Variants in DNM2 observed in about 807,000 individuals in gnomAD.
The protein encoded by DNM2 is dynamin-2.
In DNM2, 15 loss-of-function variants were observed where a neutral mutation model predicts 99.0. The observed-to-expected ratio is 0.15, with a 90% CI of 0.10 to 0.23. DNM2 has a LOEUF of 0.23. Ranked by LOEUF, DNM2 falls within the 10% of genes least tolerant of loss-of-function variation. DNM2 has a pLI of 1.00. For synonymous variants in DNM2, 525 were observed against 481.2 expected (o/e 1.09, Z -1.19); for missense variants, 742 against 1,189.4 (o/e 0.62, Z 5.53).
At chr19:10,782,518 A>C (rs2145958017) in intron 5 of DNM2, among the ~76,000 whole-genome samples, 1 of 151,866 alleles carries the variant, frequency 6.6e-6, no homozygotes, top group South Asian at 2.1e-4. Flanking sequence ...GCCACCATGC[A>C]CGGCTAATTT....
chr19:10,829,510 G>A (rs1215819840), intron 19 of DNM2, among the ~76,000 whole-genome samples: 1 of 152,172 alleles, frequency 6.6e-6, no homozygotes, highest in African/African-American at 2.4e-5. Context: ...GCCCTCTGCT[G>A]GTGCCTTCCA....
chr19:10,756,866 C>G (rs2070405323), intron 1 of DNM2, among the ~76,000 whole-genome samples: 1 of 152,134 alleles, frequency 6.6e-6, no homozygotes, highest in Non-Finnish European at 1.5e-5. Flanking sequence ...CCTGCCATCT[C>G]TCTGGTTTCG....
At chr19:10,825,337 C>T (rs2073107399) in intron 18 of DNM2, 116 bp downstream of exon 18, 2 of 1,412,920 alleles carry the variant, frequency 1.4e-6, no homozygotes, top group Non-Finnish European at 2.0e-6. Flanking sequence ...GAGTTCAAGA[C>T]CAGCCTGGCC....
At chr19:10,731,822 G>A (rs1159710117) in intron 1 of DNM2, among the ~76,000 whole-genome samples, 7 of 152,256 alleles carry the variant, frequency 4.6e-5, no homozygotes, top group East Asian at 1.9e-4. Flanking sequence ...ACGGAAGCCC[G>A]GCTTCTGTGG....
intron 18 of DNM2, among the ~76,000 whole-genome samples, chr19:10,825,631 T>C (rs889776180): frequency 9.2e-5 from 14 of 151,816 alleles, no homozygotes; most frequent in Non-Finnish European, 1.8e-4. Context: ...AGTGCACCAC[T>C]GCACTCCAGC....
intron 1 of DNM2, among the ~76,000 whole-genome samples, chr19:10,730,943 A>G (rs990654734): frequency 5.3e-5 from 8 of 152,194 alleles, no homozygotes; most frequent in African/African-American, 1.9e-4. Flanking sequence ...GCGGTAGACA[A>G]GAGGCCAGCA....
Position 10,812,566 on chromosome 19 carries a change from A to T in DNM2, c.1671+189A>T, listed in dbSNP as rs1238884862. On this transcript the variant is annotated intron_variant, in intron 15 of 20. Coordinates refer to ENST00000389253, the MANE Select transcript of DNM2 (RefSeq NM_001005361.3). This position sits in a 1 kb window ranked among gnomAD's most constrained non-coding sequence, Gnocchi z 4.0. ...CACTTTGGGAGGGCGAGGCAGGTAG[A>T]TCACGAGGTCGGGAGTTTGAGACCA... 6.6e-6 allele frequency among the ~76,000 whole-genome samples: 1 copy of T among 152,136 alleles called. No individual in the cohort carries two copies. The highest frequency in any genetic ancestry group is 2.4e-5 in the African/African-American group (1 of 41,424).
At chr19:10,724,396 C>T (rs1437530268) in intron 1 of DNM2, among the ~76,000 whole-genome samples, 1 of 152,174 alleles carries the variant, frequency 6.6e-6, no homozygotes, top group African/African-American at 2.4e-5. Flanking sequence ...CCAGGATGGT[C>T]TCGATCTCCT....
chr19:10,792,118 C>A (rs17616023), intron 7 of DNM2, among the ~76,000 whole-genome samples: 9,533 of 152,192 alleles, frequency 0.063, 306 homozygotes, highest in South Asian at 0.097. Flanking sequence ...AACAAATTCC[C>A]CATTCCAGGT....
rs77935048 is a variant in DNM2 at position 10,745,556 on chromosome 19, G to A, written c.162-14182G>A. 7.4e-3 allele frequency among the ~76,000 whole-genome samples: 1,129 copies of A among 152,248 alleles called. 10 individuals are homozygous for A. Among genetic ancestry groups the A allele is most frequent in the Middle Eastern group, 0.01 (3 of 294 alleles). On this transcript the variant is annotated intron_variant, in intron 1 of 20. Transcript: ENST00000389253. ...AACACAAATAAAAAAAGTTAGCTGG[G>A]CGTGGTGGCAAGTGCCTGTAGTCCG...
intron 1 of DNM2, chr19:10,718,772 G>A (rs930162905): frequency 1.8e-5 from 3 of 170,552 alleles, no homozygotes; most frequent in Non-Finnish European, 3.7e-5. Context: ...AGGTGAAACC[G>A]GCCATCTAGA....
chr19:10,798,302 G>C, intron 10 of DNM2, 184 bp from the exon 11 acceptor site: 1 of 625,472 alleles, frequency 1.6e-6, no homozygotes, highest in Non-Finnish European at 2.9e-6. Flanking sequence ...GGTCCACGGT[G>C]CCCCCACTCT....
chr19:10,735,437 T>C (rs895308965), intron 1 of DNM2, among the ~76,000 whole-genome samples: 21 of 152,186 alleles, frequency 1.4e-4, no homozygotes, highest in Admixed American at 1.4e-3. Context: ...TTGGCTGAGG[T>C]AGGCTTGCTA....
At chr19:10,733,304 A>G (rs953727532) in intron 1 of DNM2, among the ~76,000 whole-genome samples, 6 of 145,110 alleles carry the variant, frequency 4.1e-5, no homozygotes, top group African/African-American at 1.5e-4. Context: ...CCATTCTCCC[A>G]CCACAGCCTC....
rs533310448 is a variant in DNM2, at chr19:10,790,751, A to G, written c.993-2969A>G. ...CCAAAGTGCTGGGATTACAGGCATGAGCCACCATGCCCGGACCTCATGTAT... is the reference window on the plus strand; with the variant it reads ...CCAAAGTGCTGGGATTACAGGCATGGGCCACCATGCCCGGACCTCATGTAT... On this transcript the variant is annotated intron_variant, in intron 7 of 20. Coordinates refer to ENST00000389253, the MANE Select transcript of DNM2 (RefSeq NM_001005361.3). Among the ~76,000 whole-genome samples, 3 of 152,292 alleles carry G rather than the reference A, an allele frequency of 2.0e-5. No individual in the cohort carries two copies. In the East Asian group the frequency reaches 5.8e-4, roughly 29 times the overall value.
intron 1 of DNM2, among the ~76,000 whole-genome samples, chr19:10,738,995 C>T (rs967444286): frequency 6.6e-6 from 1 of 151,976 alleles, no homozygotes; most frequent in Non-Finnish European, 1.5e-5. Flanking sequence ...GGTGAAACCC[C>T]GTCTCTACTA....
chr19:10,799,648 C>T (rs1237769323), intron 11 of DNM2, among the ~76,000 whole-genome samples: 1 of 151,664 alleles, frequency 6.6e-6, no homozygotes, highest in African/African-American at 2.4e-5. Flanking sequence ...ATTCTCATGC[C>T]TCAGCCTCCG....
chr19:10,814,213 C>T (rs965132391), intron 15 of DNM2, among the ~76,000 whole-genome samples: 1 of 151,696 alleles, frequency 6.6e-6, no homozygotes, highest in African/African-American at 2.4e-5. Flanking sequence ...GCCATTAATC[C>T]CAGCACTTTG....
chr19:10,745,584 C>G (rs143564904), intron 1 of DNM2, among the ~76,000 whole-genome samples: 131 of 152,282 alleles, frequency 8.6e-4, no homozygotes, highest in African/African-American at 3.0e-3. Flanking sequence ...GTAGTCCGAG[C>G]TACTCAGGAG....
Sources: allele counts gnomAD v4.1 joint callset (sites outside exome capture counted in the v4.1 genomes callset), GRCh38; gene constraint gnomAD v4.1.1; non-coding constraint Gnocchi (gnomAD v3.1); transcripts MANE v1.5; gene names NCBI Gene and HGNC (gene_info 2026-07-23, HGNC 2026-07-21).